The following CDK14 variants were observed in gnomAD, a reference collection of about 807,000 sequenced individuals.
CDK14 encodes cyclin dependent kinase 14.
CDK14 carries 34 observed loss-of-function variants against 60.7 expected under a neutral mutation model. The observed-to-expected ratio is 0.56, with a 90% CI of 0.43 to 0.75. The LOEUF (loss-of-function observed/expected upper bound fraction) is 0.75. Among genes scored for constraint, CDK14 ranks in the 30% least tolerant of loss-of-function variants. CDK14 has a pLI of 0.00. For synonymous variants in CDK14, 197 were observed against 203.7 expected (o/e 0.97, Z 0.28); for missense variants, 482 against 564.1 (o/e 0.85, Z 1.47).
chr7:90,923,494 A>G (rs979697789), intron 8 of CDK14, among the ~76,000 whole-genome samples: 2 of 152,322 alleles, frequency 1.3e-5, no homozygotes, highest in African/African-American at 4.8e-5. Flanking sequence ...TAATATGCAT[A>G]TACTATTCCA....
At chr7:90,622,677 C>G (rs1467909419) in intron 2 of CDK14, among the ~76,000 whole-genome samples, 2 of 152,194 alleles carry the variant, frequency 1.3e-5, no homozygotes, top group Non-Finnish European at 2.9e-5. Context: ...GCAATATCTA[C>G]TAACCTTATT....
At chr7:90,995,310 C>T (rs62468491) in intron 10 of CDK14, among the ~76,000 whole-genome samples, 6,191 of 152,236 alleles carry the variant, frequency 0.041, 152 homozygotes, top group South Asian at 0.071. Flanking sequence ...AAACCTGAGG[C>T]TTGACCTAAG....
intron 12 of CDK14, among the ~76,000 whole-genome samples, chr7:91,108,213 G>A (rs746486400): frequency 2.6e-5 from 4 of 152,198 alleles, no homozygotes; most frequent in African/African-American, 4.8e-5. Context: ...AGGCTGAGGC[G>A]TGAGAATCGC....
At chr7:90,947,350 C>T (rs968563217) in intron 8 of CDK14, among the ~76,000 whole-genome samples, 15 of 152,212 alleles carry the variant, frequency 9.9e-5, no homozygotes, top group Non-Finnish European at 2.2e-4. Context: ...GCCAGGCAAC[C>T]TGTTCCCAAG....
At chr7:90,927,291 C>T (rs1761097169) in intron 8 of CDK14, among the ~76,000 whole-genome samples, 1 of 152,074 alleles carries the variant, frequency 6.6e-6, no homozygotes, top group Admixed American at 6.6e-5. Context: ...GGCCTGTAGC[C>T]ACCAGTCATT....
At chr7:90,902,453 A>C (rs1424168128) in intron 7 of CDK14, among the ~76,000 whole-genome samples, 1 of 152,166 alleles carries the variant, frequency 6.6e-6, no homozygotes, top group Non-Finnish European at 1.5e-5. Context: ...ATTAATCTGC[A>C]TACCTATAGT....
chr7:91,005,278 C>G (rs1795948694), intron 10 of CDK14, among the ~76,000 whole-genome samples: 1 of 152,266 alleles, frequency 6.6e-6, no homozygotes, highest in African/African-American at 2.4e-5. Flanking sequence ...GTGAACACCA[C>G]TTCGTGGTGG....
rs115647757 is a variant in CDK14, at chr7:91,192,383, A to T, written c.*29-14782A>T. 8.5e-3 allele frequency among the ~76,000 whole-genome samples: 1,288 copies of T among 152,326 alleles called. 26 individuals carry two copies. The highest frequency in any genetic ancestry group is 0.029 in the African/African-American group (1,201 of 41,570). On this transcript the variant is annotated intron_variant, in intron 14 of 14. Coordinates refer to ENST00000380050, the MANE Select transcript of CDK14 (RefSeq NM_001287135.2). ...TCCAGAAAGTAGGAGTGGGAAGTAC[A>T]TCTCCAGCTTGCATTTCTGAGTTTC...
intron 9 of CDK14, among the ~76,000 whole-genome samples, chr7:90,963,124 T>TGTGTGTGTGTGTGTGTG (rs1562847414): frequency 1.3e-5 from 2 of 150,558 alleles, no homozygotes; most frequent in African/African-American, 4.9e-5. Flanking sequence ...TGTGTGTGTG[T>TGTGTGTGTGTGTGTGTG]TTTAATTTAG....
chr7:90,736,747 A>T (rs1803131017), intron 3 of CDK14, among the ~76,000 whole-genome samples: 1 of 152,204 alleles, frequency 6.6e-6, no homozygotes, highest in Non-Finnish European at 1.5e-5. Context: ...CACTGTTTTA[A>T]TGAGGAAAGC....
At chr7:91,060,398 A>G (rs544964523) in intron 11 of CDK14, among the ~76,000 whole-genome samples, 1 of 152,256 alleles carries the variant, frequency 6.6e-6, no homozygotes, top group East Asian at 1.9e-4. Flanking sequence ...TAGCCCATTT[A>G]CATTTAAGGT....
At chr7:90,669,948 A>G (rs937842549) in intron 2 of CDK14, among the ~76,000 whole-genome samples, 2 of 152,236 alleles carry the variant, frequency 1.3e-5, no homozygotes, top group African/African-American at 4.8e-5. Context: ...AAAGTCCTCA[A>G]AAAATATAAA....
intron 5 of CDK14, among the ~76,000 whole-genome samples, chr7:90,840,948 A>G (rs1790268918): frequency 6.6e-6 from 1 of 152,182 alleles, no homozygotes; most frequent in African/African-American, 2.4e-5. Flanking sequence ...TGAAGGAAAA[A>G]TACAAGAGAG....
intron 14 of CDK14, among the ~76,000 whole-genome samples, chr7:91,202,734 G>A (rs1485919031): frequency 6.6e-6 from 1 of 152,188 alleles, no homozygotes; most frequent in Non-Finnish European, 1.5e-5. Flanking sequence ...CACAATTTGG[G>A]CCATTCGGAG....
At chr7:91,106,278 A>G (rs1403861472) in intron 12 of CDK14, among the ~76,000 whole-genome samples, 3 of 152,330 alleles carry the variant, frequency 2.0e-5, no homozygotes, top group African/African-American at 4.8e-5. Context: ...CTATGGAATA[A>G]TGTCTTCAGA....
chr7:90,752,880 A>T (rs539710117), intron 4 of CDK14, among the ~76,000 whole-genome samples: 1 of 152,278 alleles, frequency 6.6e-6, no homozygotes, highest in South Asian at 2.1e-4. Context: ...ATGTATACAA[A>T]GTAGAAAATC....
chr7:90,706,017 G>T (rs999888493), intron 2 of CDK14, among the ~76,000 whole-genome samples: 1 of 152,046 alleles, frequency 6.6e-6, no homozygotes, highest in African/African-American at 2.4e-5. Context: ...TCAAAGGATC[G>T]ATTTTTGTTT....
chr7:90,806,466 A>G lies in CDK14; in HGVS notation c.544+15814A>G, dbSNP rs150598284. 3.6e-3 allele frequency among the ~76,000 whole-genome samples: 553 copies of G among 152,362 alleles called. 5 individuals carry two copies. The highest frequency in any genetic ancestry group is 0.013 in the African/African-American group (526 of 41,590). On this transcript the variant is annotated intron_variant, in intron 5 of 14. Coordinates refer to ENST00000380050, the MANE Select transcript of CDK14 (RefSeq NM_001287135.2). ...AAATGGGGAATTTATTTGAATAGAC[A>G]TTTCAGCAAAGAAATATATGAATGG...
rs1799607960 is a variant in CDK14, at chr7:91,116,273, C to T, written c.1295-1792C>T. On this transcript the variant is annotated intron_variant, in intron 13 of 14. Coordinates refer to ENST00000380050, the MANE Select transcript of CDK14 (RefSeq NM_001287135.2). ...TTTATTACACTCATTTGCTAATTCA[C>T]AAAACTCAAATTCAGTGAAAGAAGG... 2.0e-5 allele frequency among the ~76,000 whole-genome samples: 3 copies of T among 152,186 alleles called. No homozygotes were observed. The South Asian group carries it at 6.2e-4, about 31-fold the overall frequency.
Sources: gnomAD v4.1 joint callset for allele counts (sites outside exome capture counted in the v4.1 genomes callset) on GRCh38, gnomAD v4.1.1 for gene constraint, MANE v1.5 for transcripts, NCBI Gene and HGNC (gene_info 2026-07-23, HGNC 2026-07-21) for gene names.